The following PARD3 variants were observed in gnomAD, a reference collection of about 807,000 sequenced individuals.
PARD3 encodes the protein partitioning defective 3 homolog.
Under a neutral mutation model 155.4 loss-of-function variants are expected in PARD3, and 75 were observed. The ratio of observed to expected loss-of-function variants is 0.48; its 90% CI spans 0.40 to 0.58. PARD3 has a LOEUF of 0.58. Ranked by LOEUF, PARD3 falls within the 20% of genes least tolerant of loss-of-function variation. The pLI is 0.00. For synonymous variants in PARD3, 576 were observed against 610.5 expected (o/e 0.94, Z 0.83); for missense variants, 1,642 against 1,721.7 (o/e 0.95, Z 0.82).
chr10:34,360,299 T>C, intron 12 of PARD3, 40 bp from the exon 13 acceptor site: 1 of 1,436,272 alleles, frequency 7.0e-7, no homozygotes, highest in Non-Finnish European at 9.8e-7. Flanking sequence ...TATAGTCCAA[T>C]GTTTCTTTCT....
intron 23 of PARD3, among the ~76,000 whole-genome samples, chr10:34,123,614 T>C (rs866430460): frequency 1.3e-4 from 20 of 152,130 alleles, no homozygotes; most frequent in Admixed American, 6.5e-4. Flanking sequence ...TTTTTAATTT[T>C]TGTAGAGGCA....
intron 21 of PARD3, among the ~76,000 whole-genome samples, chr10:34,278,916 C>T (rs1290550877): frequency 3.3e-5 from 5 of 152,146 alleles, no homozygotes; most frequent in African/African-American, 4.8e-5. Flanking sequence ...CACATCTCAA[C>T]AGATACTCAC....
At position 34,357,693 on chromosome 10, in the gene PARD3, ATGTT is replaced by A. The variant is rs577156224; in HGVS notation, c.2067+1450_2067+1453del. ...TTTTATATTTATCTTACATAAATGAATGTTTGTATGTCCCACTCTTCTCCACTCT... is the reference window on the plus strand; with the variant it reads ...TTTTATATTTATCTTACATAAATGAATGTATGTCCCACTCTTCTCCACTCT... On this transcript the variant is annotated intron_variant, in intron 14 of 24. Transcript: ENST00000374788. 4.9e-3 allele frequency among the ~76,000 whole-genome samples: 741 copies of A among 152,310 alleles called. 7 individuals carry two copies. The highest frequency in any genetic ancestry group is 0.017 in the African/African-American group (714 of 41,578).
chr10:34,284,155 TCG>T lies in PARD3; in HGVS notation c.3154_3155del (p.Arg1052AsnfsTer16). The part of the protein sequence containing the change: ...ESFTSEEERI[R>X]MKQEQERIQA... Reference sequence around the variant, plus strand: ...TCTACCTCTCCTGCTCCTGCTTCATTCGTATCCTCTCCTCTTCTGATGTAAAG... The same window carrying T: ...TCTACCTCTCCTGCTCCTGCTTCATTTATCCTCTCCTCTTCTGATGTAAAG... On this transcript the variant is annotated frameshift_variant, in exon 21 of 25. Coordinates refer to ENST00000374788, the MANE Select transcript of PARD3 (RefSeq NM_001184785.2). LOFTEE classifies it high-confidence loss of function. The T allele has an allele frequency of 6.2e-7, 1 of 1,600,488 alleles. No homozygotes were observed. Among genetic ancestry groups the T allele is most frequent in the Non-Finnish European group, 8.5e-7 (1 of 1,171,140 alleles).
chr10:34,660,672 T>C (rs909490449), intron 2 of PARD3, among the ~76,000 whole-genome samples: 3 of 152,102 alleles, frequency 2.0e-5, no homozygotes, highest in African/African-American at 7.2e-5. Context: ...CATGTGTGAA[T>C]GGACAATTCT....
intron 2 of PARD3, among the ~76,000 whole-genome samples, chr10:34,614,474 T>C (rs1479651854): frequency 6.6e-6 from 1 of 152,232 alleles, no homozygotes; most frequent in Non-Finnish European, 1.5e-5. Context: ...TTATGAATGA[T>C]AAACAGTTTA....
intron 2 of PARD3, among the ~76,000 whole-genome samples, chr10:34,671,080 G>A (rs2093602646): frequency 6.6e-6 from 1 of 152,218 alleles, no homozygotes; most frequent in Admixed American, 6.5e-5. Context: ...TCTTGCAAAA[G>A]TTACTGAGAC....
At chr10:34,153,249 T>C (rs530588988) in intron 22 of PARD3, among the ~76,000 whole-genome samples, 1 of 152,114 alleles carries the variant, frequency 6.6e-6, no homozygotes, top group Admixed American at 6.5e-5. Flanking sequence ...AGGCCGCAAG[T>C]GATCCTCCCA....
chr10:34,203,066 C>T (rs1951295496), intron 22 of PARD3, among the ~76,000 whole-genome samples: 1 of 150,076 alleles, frequency 6.7e-6, no homozygotes, highest in Non-Finnish European at 1.5e-5. Flanking sequence ...GGCCCCACTG[C>T]CAGCTGCAGC....
At chr10:34,149,424 A>T (rs928917216) in intron 22 of PARD3, among the ~76,000 whole-genome samples, 1 of 152,162 alleles carries the variant, frequency 6.6e-6, no homozygotes, top group African/African-American at 2.4e-5. Context: ...TCCCAGGAAA[A>T]TATCTTTACA....
At chr10:34,460,564 G>GAATT (rs1158746717) in intron 4 of PARD3, among the ~76,000 whole-genome samples, 9 of 152,096 alleles carry the variant, frequency 5.9e-5, no homozygotes, top group African/African-American at 1.9e-4. Flanking sequence ...CCGGGCGCGG[G>GAATT]GGCTCACACC....
At chr10:34,381,938 AAAAG>A (rs1254829819) in intron 9 of PARD3, among the ~76,000 whole-genome samples, 12 of 133,788 alleles carry the variant, frequency 9.0e-5, no homozygotes, top group South Asian at 2.4e-4. Context: ...AAAAAAAAAA[AAAAG>A]AAAGAAAAAG....
intron 19 of PARD3, among the ~76,000 whole-genome samples, chr10:34,319,237 C>T (rs184714524): frequency 8.6e-5 from 13 of 152,016 alleles, no homozygotes; most frequent in Admixed American, 2.6e-4. Flanking sequence ...TACAGGCACA[C>T]GCCACCACAC....
intron 20 of PARD3, among the ~76,000 whole-genome samples, chr10:34,316,195 T>A (rs1014565456): frequency 6.6e-6 from 1 of 152,258 alleles, no homozygotes; most frequent in African/African-American, 2.4e-5. Context: ...CTGTGCTGTA[T>A]GTTTTCAATT....
Position 34,331,074 on chromosome 10 carries a change from A to G in PARD3, c.2833+43T>C, listed in dbSNP as rs763295751. 1.9e-5 allele frequency: 28 copies of G among 1,482,162 alleles called. No homozygotes were observed. The Admixed American group carries it at 4.6e-4, about 24-fold the overall frequency. 91.8% of individuals were successfully genotyped at this position (1,482,162 alleles called of 1,614,324 possible). Reference sequence around the variant, plus strand: ...CCCTGGAGCTCACTTTAAGAAATAGAGTCTAATTTTAATTATTATTCTTTC... The same window carrying G: ...CCCTGGAGCTCACTTTAAGAAATAGGGTCTAATTTTAATTATTATTCTTTC... On this transcript the variant is annotated intron_variant, in intron 19 of 24. Coordinates refer to ENST00000374788, the MANE Select transcript of PARD3 (RefSeq NM_001184785.2).
At chr10:34,408,849 TAATAA>T (rs1262155343) in intron 5 of PARD3, among the ~76,000 whole-genome samples, 2 of 132,258 alleles carry the variant, frequency 1.5e-5, no homozygotes, top group East Asian at 3.9e-4. Flanking sequence ...TATAATAATA[TAATAA>T]TATATAGCAA....
At chr10:34,211,098 G>A (rs928413616) in intron 22 of PARD3, among the ~76,000 whole-genome samples, 2 of 152,148 alleles carry the variant, frequency 1.3e-5, no homozygotes, top group African/African-American at 4.8e-5. Flanking sequence ...CAGATACACA[G>A]CTCTTCAGCC....
chr10:34,709,024 G>A (rs984431801), intron 1 of PARD3, among the ~76,000 whole-genome samples: 1 of 151,914 alleles, frequency 6.6e-6, no homozygotes, highest in Admixed American at 6.6e-5. Context: ...ACACATATAT[G>A]TACATGTGCA....
intron 2 of PARD3, among the ~76,000 whole-genome samples, chr10:34,653,994 G>T (rs1364864953): frequency 6.6e-6 from 1 of 152,064 alleles, no homozygotes; most frequent in Non-Finnish European, 1.5e-5. Context: ...ATGGTAAGAT[G>T]CATGCTTATA....
Sources: allele counts gnomAD v4.1 joint callset (sites outside exome capture counted in the v4.1 genomes callset), GRCh38; gene constraint gnomAD v4.1.1; transcripts MANE v1.5; gene names NCBI Gene and HGNC (gene_info 2026-07-23, HGNC 2026-07-21).